The following MAP2 variants were observed in gnomAD, a reference collection of about 807,000 sequenced individuals.
The protein encoded by MAP2 is microtubule associated protein 2.
MAP2 carries 14 observed loss-of-function variants against 137.6 expected under a neutral mutation model. The observed-to-expected ratio is 0.10, with a 90% CI of 0.07 to 0.16. The LOEUF is 0.16. MAP2 is among the 10% of genes least tolerant of loss of function. The pLI is 1.00. For synonymous variants in MAP2, 786 were observed against 782.3 expected, an observed-to-expected ratio of 1.00 and a Z score of -0.08; for missense variants, 2,088 against 2,191.5, an observed-to-expected ratio of 0.95 and a Z score of 0.94.
chr2:209,437,993 C>A (rs536575657), intron 1 of MAP2, among the ~76,000 whole-genome samples: 74 of 151,634 alleles, frequency 4.9e-4, no homozygotes, highest in South Asian at 1.2e-3. Flanking sequence ...ATAGTCAGAA[C>A]CAGATTTCAA....
chr2:209,728,704 T>G (rs1490974252), intron 14 of MAP2, among the ~76,000 whole-genome samples: 2 of 152,200 alleles, frequency 1.3e-5, no homozygotes, highest in African/African-American at 4.8e-5. Context: ...AAAATCTCTT[T>G]CATATTTCCA....
At chr2:209,527,516 A>G (rs1481607752) in intron 2 of MAP2, among the ~76,000 whole-genome samples, 1 of 152,046 alleles carries the variant, frequency 6.6e-6, no homozygotes, top group African/African-American at 2.4e-5. Context: ...CTTTCTCACC[A>G]CATCCCACAA....
chr2:209,659,068 A>G (rs1220533127), intron 5 of MAP2, among the ~76,000 whole-genome samples: 1 of 152,212 alleles, frequency 6.6e-6, no homozygotes, highest in Non-Finnish European at 1.5e-5. Flanking sequence ...GCCCATTATT[A>G]CACAGTAAGA....
intron 5 of MAP2, among the ~76,000 whole-genome samples, chr2:209,677,885 A>G (rs2052675649): frequency 6.6e-6 from 1 of 152,024 alleles, no homozygotes; most frequent in Non-Finnish European, 1.5e-5. Context: ...ATTGCCATGT[A>G]TTTCATTAAA....
chr2:209,431,789 C>T (rs981059696), intron 1 of MAP2, among the ~76,000 whole-genome samples: 19 of 152,108 alleles, frequency 1.2e-4, no homozygotes, highest in African/African-American at 4.3e-4. Flanking sequence ...TCATACCTGC[C>T]CAACTTCGTG....
intron 2 of MAP2, among the ~76,000 whole-genome samples, chr2:209,570,839 A>G (rs2074275806): frequency 6.6e-6 from 1 of 151,940 alleles, no homozygotes; most frequent in Admixed American, 6.6e-5. Flanking sequence ...TCAATGGGTA[A>G]TGGATTTTTG....
Position 209,694,308 on chromosome 2 carries a change from C to A in MAP2, c.2138C>A (p.Ala713Asp), listed in dbSNP as rs778205006. 6.8e-6 allele frequency: 11 copies of A among 1,614,070 alleles called. No individual in the cohort carries two copies. The highest frequency in any genetic ancestry group is 9.3e-6 in the Non-Finnish European group (11 of 1,180,014). Reference protein sequence around the residue: ...NLPMSCLDSIALGFNFGRGHD... With the variant: ...NLPMSCLDSIDLGFNFGRGHD... The stretch of plus-strand genomic sequence containing the variant: ...CCGATGTCTTGCCTAGATTCCATAG[C>A]CCTTGGATTTAACTTTGGTCGGGGA... The change falls in exon 8 of 16, where the codon GCC becomes GAC. Residue 713 changes from alanine to aspartate, a missense_variant. Physicochemically the swap from Ala to Asp is moderately radical, Grantham distance 126 (BLOSUM62 -2). This residue lies in a region of MAP2 where 500 missense variants were observed against 482.9 expected (regional missense o/e 1.04). Coordinates refer to ENST00000682079, the MANE Select transcript of MAP2 (RefSeq NM_001375505.1).
intron 14 of MAP2, among the ~76,000 whole-genome samples, chr2:209,727,015 A>T (rs556100324): frequency 1.1e-3 from 175 of 152,358 alleles, no homozygotes; most frequent in Non-Finnish European, 1.9e-3. Context: ...TTATTAATAA[A>T]TTATTGGTTG....
At chr2:209,703,204 T>C (rs1225431349) in intron 11 of MAP2, among the ~76,000 whole-genome samples, 1 of 152,144 alleles carries the variant, frequency 6.6e-6, no homozygotes, top group Admixed American at 6.5e-5. Flanking sequence ...TGGTATAACT[T>C]AATCCACAGT....
Position 209,729,894 on chromosome 2 carries a change from G to C in MAP2, c.5200G>C (p.Glu1734Gln). The C allele has an allele frequency of 6.2e-7, 1 of 1,613,824 alleles. No homozygotes were observed. The highest frequency in any genetic ancestry group is 8.5e-7 in the Non-Finnish European group (1 of 1,179,832). Residue 1734 changes from glutamate to glutamine, a missense_variant, in exon 15 of 16, where the codon GAA becomes CAA. Coordinates refer to ENST00000682079, the MANE Select transcript of MAP2 (RefSeq NM_001375505.1). ...TGAGAGTGTAAAACTAGATTTCAAA[G>C]AAAAGGCCCAAGCTAAAGTTGGTTC... ...KIESVKLDFKEKAQAKVGSLD... is the reference protein window; with the variant it reads ...KIESVKLDFKQKAQAKVGSLD...
chr2:209,662,345 G>A (rs904010527), intron 5 of MAP2, among the ~76,000 whole-genome samples: 1 of 152,108 alleles, frequency 6.6e-6, no homozygotes, highest in African/African-American at 2.4e-5. Context: ...CATCACAAGC[G>A]CAAAAAGTAT....
intron 2 of MAP2, among the ~76,000 whole-genome samples, chr2:209,570,517 A>G (rs1445800223): frequency 2.0e-5 from 3 of 151,964 alleles, no homozygotes; most frequent in Non-Finnish European, 4.4e-5. Flanking sequence ...TAATCATTTT[A>G]TCAGAATCAT....
At chr2:209,579,767 G>C (rs1057355606) in intron 2 of MAP2, 1 of 152,034 alleles carries the variant, frequency 6.6e-6, no homozygotes, top group African/African-American at 2.4e-5. Context: ...TAATGGTTTG[G>C]GGCTTTTAAT....
At chr2:209,612,644 T>A (rs111343895) in intron 3 of MAP2, among the ~76,000 whole-genome samples, 9 of 152,296 alleles carry the variant, frequency 5.9e-5, no homozygotes, top group African/African-American at 2.2e-4. Context: ...CTATAGCAAG[T>A]AATGTATTAA....
intron 1 of MAP2, among the ~76,000 whole-genome samples, chr2:209,452,561 G>A (rs1255124843): frequency 6.6e-6 from 1 of 152,108 alleles, no homozygotes; most frequent in Non-Finnish European, 1.5e-5. Context: ...TAATGACAGG[G>A]CAAACAAAGT....
chr2:209,677,431 CAGACAGACAGAT>C (rs1164712576), intron 5 of MAP2, among the ~76,000 whole-genome samples: 453 of 151,670 alleles, frequency 3.0e-3, no homozygotes, highest in African/African-American at 0.011. Flanking sequence ...GACAGACAGA[CAGACAGACAGAT>C]AGATGTTGCT....
chr2:209,703,470 T>C (rs2062373745), intron 11 of MAP2, among the ~76,000 whole-genome samples: 1 of 152,108 alleles, frequency 6.6e-6, no homozygotes, highest in Non-Finnish European at 1.5e-5. Flanking sequence ...AAATGTGTTA[T>C]CATTATAAAA....
intron 1 of MAP2, among the ~76,000 whole-genome samples, chr2:209,431,960 T>G (rs1204551431): frequency 6.6e-6 from 1 of 152,170 alleles, no homozygotes; most frequent in African/African-American, 2.4e-5. Flanking sequence ...TTCCTGTGGT[T>G]TGGATCTCTC....
At chr2:209,730,116 T>G in intron 15 of MAP2, 66 bp from the exon 16 acceptor site, 2 of 1,346,522 alleles carry the variant, frequency 1.5e-6, no homozygotes, top group Non-Finnish European at 2.1e-6. Flanking sequence ...CCCTGGGAGA[T>G]GGAGAAAGAG....
Sources: allele counts gnomAD v4.1 joint callset (sites outside exome capture counted in the v4.1 genomes callset), GRCh38; gene constraint gnomAD v4.1.1; regional missense constraint gnomAD v4.1.1; transcripts MANE v1.5; gene names NCBI Gene and HGNC (gene_info 2026-07-23, HGNC 2026-07-21).